The following GALNT13 variants were observed in gnomAD, a reference collection of about 807,000 sequenced individuals.
The protein encoded by GALNT13 is UDP-GalNAc:polypeptide N-acetylgalactosaminyltransferase 13.
In GALNT13, 28 loss-of-function variants were observed where a neutral mutation model predicts 64.2. The ratio of observed to expected loss-of-function variants is 0.44; its 90% CI spans 0.32 to 0.60. GALNT13 has a LOEUF of 0.60. Ranked by LOEUF, GALNT13 falls within the 20% of genes least tolerant of loss-of-function variation. The pLI, the probability that GALNT13 is intolerant of heterozygous loss-of-function variation, is 0.05. For missense variants in GALNT13, 577 were observed against 669.8 expected (o/e 0.86, Z 1.53); for synonymous variants, 214 against 224.6 (o/e 0.95, Z 0.42).
chr2:154,183,674 T>C (rs910339058), intron 4 of GALNT13, among the ~76,000 whole-genome samples: 1 of 152,062 alleles, frequency 6.6e-6, no homozygotes, highest in African/African-American at 2.4e-5. Context: ...ATCATGCCAC[T>C]GCACTCCAGC....
At chr2:154,255,419 T>G (rs1041336737) in intron 7 of GALNT13, among the ~76,000 whole-genome samples, 8 of 152,126 alleles carry the variant, frequency 5.3e-5, no homozygotes, top group African/African-American at 1.9e-4. Context: ...AATGAAAATG[T>G]TTTTTGGTTT....
intron 4 of GALNT13, among the ~76,000 whole-genome samples, chr2:154,204,775 A>G (rs1306456981): frequency 1.3e-5 from 2 of 152,186 alleles, no homozygotes; most frequent in Admixed American, 6.5e-5. Context: ...GAGTAGTCTC[A>G]GACATATCAT....
At chr2:153,324,334 A>G in the GALNT13 span, among the ~76,000 whole-genome samples, 1 of 152,292 alleles carries the variant, frequency 6.6e-6, no homozygotes, top group Middle Eastern at 3.4e-3. Context: ...TGATTTTTGC[A>G]CACTGATTTT....
At chr2:153,222,509 T>G in the GALNT13 span, among the ~76,000 whole-genome samples, 1 of 152,096 alleles carries the variant, frequency 6.6e-6, no homozygotes. Context: ...GGCTTGAAGA[T>G]GGGACTTCAC....
the GALNT13 span, among the ~76,000 whole-genome samples, chr2:153,296,958 T>C: frequency 6.6e-6 from 1 of 152,212 alleles, no homozygotes; most frequent in Non-Finnish European, 1.5e-5. Flanking sequence ...TACTTGGTGC[T>C]TTGAAATCTT....
At chr2:153,728,242 T>G in the GALNT13 span, among the ~76,000 whole-genome samples, 1 of 152,202 alleles carries the variant, frequency 6.6e-6, no homozygotes, top group African/African-American at 2.4e-5. Context: ...TGTTTTATAC[T>G]CCTTTGAGTA....
At chr2:153,093,328 T>C in the GALNT13 span, among the ~76,000 whole-genome samples, 2 of 148,042 alleles carry the variant, frequency 1.4e-5, no homozygotes, top group Non-Finnish European at 3.0e-5. Context: ...AACCTCCACC[T>C]GCTGGGTTCA....
At chr2:154,402,806 C>G (rs1699358171) in intron 10 of GALNT13, among the ~76,000 whole-genome samples, 1 of 152,116 alleles carries the variant, frequency 6.6e-6, no homozygotes, top group South Asian at 2.1e-4. Flanking sequence ...TTACTTCTTC[C>G]CTTGAACAAC....
chr2:153,400,373 G>C, the GALNT13 span, among the ~76,000 whole-genome samples: 1 of 152,134 alleles, frequency 6.6e-6, no homozygotes, highest in African/African-American at 2.4e-5. Context: ...CAAGGATATT[G>C]GTCTAAAATT....
chr2:153,229,665 G>T, the GALNT13 span, among the ~76,000 whole-genome samples: 1 of 152,166 alleles, frequency 6.6e-6, no homozygotes, highest in Non-Finnish European at 1.5e-5. Context: ...CTGATGACTT[G>T]ATAGTGGTCT....
chr2:153,662,579 A>G, the GALNT13 span, among the ~76,000 whole-genome samples: 3 of 152,190 alleles, frequency 2.0e-5, no homozygotes, highest in Non-Finnish European at 4.4e-5. Context: ...CCTATCACAC[A>G]GATTTTCTAA....
intron 11 of GALNT13, among the ~76,000 whole-genome samples, chr2:154,420,481 T>C (rs531349193): frequency 1.3e-5 from 2 of 152,268 alleles, no homozygotes; most frequent in South Asian, 4.1e-4. Flanking sequence ...TATGCCTAAT[T>C]CGTTTTGACT....
chr2:154,044,524 A>G (rs975425788), intron 3 of GALNT13, among the ~76,000 whole-genome samples: 7 of 152,186 alleles, frequency 4.6e-5, no homozygotes, highest in African/African-American at 1.4e-4. Flanking sequence ...TCATCTTGCT[A>G]TAGAGCTGTA....
intron 3 of GALNT13, among the ~76,000 whole-genome samples, chr2:154,015,028 C>CA (rs1309465225): frequency 6.6e-6 from 1 of 151,982 alleles, no homozygotes; most frequent in Non-Finnish European, 1.5e-5. Context: ...AAAAATAAAA[C>CA]AAAACATGCA....
intron 3 of GALNT13, among the ~76,000 whole-genome samples, chr2:153,961,722 A>G (rs530513050): frequency 2.8e-4 from 42 of 152,340 alleles, no homozygotes; most frequent in African/African-American, 9.9e-4. Context: ...TTGAAGATCA[A>G]ATTTTCAATT....
At chr2:153,968,938 C>G (rs887196040) in intron 3 of GALNT13, among the ~76,000 whole-genome samples, 16 of 143,748 alleles carry the variant, frequency 1.1e-4, no homozygotes, top group Non-Finnish European at 1.5e-4. Context: ...ACTTTAAAAT[C>G]AGAAATTCTT....
chr2:153,984,286 A>C lies in GALNT13; in HGVS notation c.142+39647A>C, dbSNP rs560784572. Among the ~76,000 whole-genome samples, 14 of 151,888 alleles carry C rather than the reference A, an allele frequency of 9.2e-5. No individual in the cohort carries two copies. The South Asian group carries it at 2.9e-3, about 31-fold the overall frequency. ...TATAATTGACTAGATTATTGGCAATAGTTAACATCTTCAACACAGTCATTA... is the reference window on the plus strand; with the variant it reads ...TATAATTGACTAGATTATTGGCAATCGTTAACATCTTCAACACAGTCATTA... On this transcript the variant is annotated intron_variant, in intron 3 of 12. Coordinates refer to ENST00000392825, the MANE Select transcript of GALNT13 (RefSeq NM_052917.4).
At chr2:153,355,911 C>A in the GALNT13 span, among the ~76,000 whole-genome samples, 3 of 152,078 alleles carry the variant, frequency 2.0e-5, no homozygotes, top group Non-Finnish European at 4.4e-5. Flanking sequence ...GAAATCATGG[C>A]TTGGCCCTTA....
At chr2:153,723,900 A>C in the GALNT13 span, among the ~76,000 whole-genome samples, 1 of 150,962 alleles carries the variant, frequency 6.6e-6, no homozygotes, top group African/African-American at 2.5e-5. Context: ...TACAGATTCA[A>C]TGCCATCCCC....
Sources: allele counts gnomAD v4.1 joint callset (sites outside exome capture counted in the v4.1 genomes callset), GRCh38; gene constraint gnomAD v4.1.1; transcripts MANE v1.5; gene names NCBI Gene and HGNC (gene_info 2026-07-23, HGNC 2026-07-21).